Variants in ADAMTSL3 observed in about 807,000 individuals in gnomAD.
The protein encoded by ADAMTSL3 is ADAMTS like 3.
A neutral mutation model predicts 201.7 loss-of-function variants in ADAMTSL3; 128 were observed. That is an observed-to-expected ratio of 0.63 (90% CI 0.55 to 0.73). The LOEUF (loss-of-function observed/expected upper bound fraction) is 0.73, where lower values mean the gene tolerates loss of function less well. ADAMTSL3 is among the 30% of genes least tolerant of loss of function. ADAMTSL3 has a pLI of 0.00. For synonymous variants in ADAMTSL3, 738 were observed against 748.4 expected (o/e 0.99, Z 0.23); for missense variants, 1,990 against 2,119.6 (o/e 0.94, Z 1.20).
At chr15:83,807,883 G>A (rs1042830297) in intron 5 of ADAMTSL3, among the ~76,000 whole-genome samples, 1 of 152,192 alleles carries the variant, frequency 6.6e-6, no homozygotes, top group Non-Finnish European at 1.5e-5. Context: ...AATACACACT[G>A]GGGAAAGGAC....
chr15:83,800,829 C>G (rs2063504261), intron 4 of ADAMTSL3, among the ~76,000 whole-genome samples: 1 of 152,218 alleles, frequency 6.6e-6, no homozygotes, highest in South Asian at 2.1e-4. Context: ...CAACTTCCCT[C>G]AACTGGGGCT....
At chr15:83,919,551 G>A (rs1426294075) in intron 16 of ADAMTSL3, among the ~76,000 whole-genome samples, 1 of 152,114 alleles carries the variant, frequency 6.6e-6, no homozygotes, top group East Asian at 1.9e-4. Context: ...AAGGGTTGAG[G>A]AAAGAATGAT....
chr15:83,833,218 A>G (rs1257785126), intron 6 of ADAMTSL3, among the ~76,000 whole-genome samples: 2 of 152,160 alleles, frequency 1.3e-5, no homozygotes, highest in South Asian at 2.1e-4. Context: ...ACTAGCTACC[A>G]TAGATTGGGT....
intron 22 of ADAMTSL3, among the ~76,000 whole-genome samples, chr15:83,990,746 T>A (rs1238533109): frequency 6.6e-6 from 1 of 152,212 alleles, no homozygotes; most frequent in Non-Finnish European, 1.5e-5. Context: ...TTGCTTCTTA[T>A]GAGCTTCTGA....
At chr15:83,943,725 C>A (rs2066605955) in intron 19 of ADAMTSL3, among the ~76,000 whole-genome samples, 1 of 152,220 alleles carries the variant, frequency 6.6e-6, no homozygotes, top group South Asian at 2.1e-4. Flanking sequence ...AGAGTTCTTT[C>A]TGTTATATTA....
At chr15:83,744,605 A>G (rs557688585) in intron 3 of ADAMTSL3, among the ~76,000 whole-genome samples, 1 of 152,198 alleles carries the variant, frequency 6.6e-6, no homozygotes, top group East Asian at 1.9e-4. Flanking sequence ...TTATGGTGGG[A>G]ACACTTAAAA....
intron 19 of ADAMTSL3, chr15:83,961,747 T>C (rs142356522): frequency 1.3e-5 from 2 of 152,186 alleles, no homozygotes; most frequent in African/African-American, 4.8e-5. Context: ...CAAGATGAGA[T>C]ACAGAGATGA....
intron 16 of ADAMTSL3, among the ~76,000 whole-genome samples, chr15:83,915,020 A>C (rs2066008346): frequency 1.3e-5 from 2 of 152,142 alleles, no homozygotes; most frequent in Non-Finnish European, 2.9e-5. Context: ...TCCCCTATTC[A>C]GTCACAATAA....
rs144964573 is a variant in ADAMTSL3 at position 83,936,913 on chromosome 15, G to A, written c.2118-5683G>A. On this transcript the variant is annotated intron_variant, in intron 17 of 29. Coordinates refer to ENST00000286744, the MANE Select transcript of ADAMTSL3 (RefSeq NM_207517.3). ...GTGGCCAACAAGCATATGAAAACAT[G>A]CTCAACATCACTAATCACTAGAGAA... 3.1e-3 allele frequency among the ~76,000 whole-genome samples: 474 copies of A among 150,976 alleles called. 8 individuals carry two copies. The highest frequency in any genetic ancestry group is 0.013 in the South Asian group (61 of 4,826).
At position 83,654,824 on chromosome 15, in the gene ADAMTSL3, C is replaced by G. The variant is rs1358600573; in HGVS notation, c.-34+548C>G. ...TGGCGCAGAGTCCCAGGGCCCCGCACTGGCCGCCTCCCTTCAGCCAGGAGT... is the reference window on the plus strand; with the variant it reads ...TGGCGCAGAGTCCCAGGGCCCCGCAGTGGCCGCCTCCCTTCAGCCAGGAGT... On this transcript the variant is annotated intron_variant, in intron 1 of 29. Coordinates refer to ENST00000286744, the MANE Select transcript of ADAMTSL3 (RefSeq NM_207517.3). This position sits in a 1 kb window ranked among gnomAD's most constrained non-coding sequence, Gnocchi z 5.3. 2.0e-5 allele frequency among the ~76,000 whole-genome samples: 3 copies of G among 152,164 alleles called. No homozygotes were observed. The highest frequency in any genetic ancestry group is 4.4e-5 in the Non-Finnish European group (3 of 68,030).
chr15:83,685,489 T>G (rs1596023874), intron 2 of ADAMTSL3, among the ~76,000 whole-genome samples: 1 of 152,248 alleles, frequency 6.6e-6, no homozygotes, highest in East Asian at 1.9e-4. Flanking sequence ...ATCTTGTCTC[T>G]TATAGTTTGC....
chr15:83,760,254 C>T (rs1029559209), intron 3 of ADAMTSL3, among the ~76,000 whole-genome samples: 1 of 152,100 alleles, frequency 6.6e-6, no homozygotes, highest in Non-Finnish European at 1.5e-5. Flanking sequence ...CATCTTCATT[C>T]ATTAAGAGTA....
At chr15:83,734,851 G>T (rs1361476428) in intron 3 of ADAMTSL3, among the ~76,000 whole-genome samples, 2 of 152,058 alleles carry the variant, frequency 1.3e-5, no homozygotes, top group Non-Finnish European at 2.9e-5. Context: ...TCCTCTGCTA[G>T]TGGGGAGGGC....
At chr15:83,923,372 A>G (rs1424177542) in intron 16 of ADAMTSL3, among the ~76,000 whole-genome samples, 1 of 152,218 alleles carries the variant, frequency 6.6e-6, no homozygotes, top group East Asian at 1.9e-4. Flanking sequence ...TTTCCTAGCA[A>G]TAGAAACGTT....
intron 2 of ADAMTSL3, among the ~76,000 whole-genome samples, chr15:83,695,982 C>G (rs2061683599): frequency 6.6e-6 from 1 of 152,062 alleles, no homozygotes; most frequent in Non-Finnish European, 1.5e-5. Flanking sequence ...CTTGACTTTC[C>G]CTCATGGGCC....
At chr15:83,903,917 C>CAAAAA (rs1168502648) in intron 15 of ADAMTSL3, among the ~76,000 whole-genome samples, 15 of 19,272 alleles carry the variant, frequency 7.8e-4, no homozygotes, top group South Asian at 2.8e-3. Context: ...GACTCCACAT[C>CAAAAA]AAAAAAAAAA....
At chr15:83,700,159 C>T (rs886323436) in intron 2 of ADAMTSL3, among the ~76,000 whole-genome samples, 14 of 152,188 alleles carry the variant, frequency 9.2e-5, no homozygotes, top group African/African-American at 3.4e-4. Flanking sequence ...GGAAGGTCCA[C>T]TATATGCGGG....
chr15:84,020,949 T>G (rs1273930895), intron 25 of ADAMTSL3, among the ~76,000 whole-genome samples: 1 of 152,236 alleles, frequency 6.6e-6, no homozygotes, highest in Non-Finnish European at 1.5e-5. Context: ...TCTTTAACCT[T>G]ACTGCTTAAT....
intron 16 of ADAMTSL3, among the ~76,000 whole-genome samples, chr15:83,922,266 A>G (rs1456877446): frequency 1.3e-5 from 2 of 152,176 alleles, no homozygotes; most frequent in African/African-American, 4.8e-5. Flanking sequence ...TAAGTATCCT[A>G]AACACCTATT....
Sources: gnomAD v4.1 joint callset for allele counts (sites outside exome capture counted in the v4.1 genomes callset) on GRCh38, gnomAD v4.1.1 for gene constraint, Gnocchi (gnomAD v3.1) non-coding constraint, MANE v1.5 for transcripts, NCBI Gene and HGNC (gene_info 2026-07-23, HGNC 2026-07-21) for gene names.